APEH: variants seen among roughly 807,000 people sequenced by gnomAD.
APEH encodes the protein acylamino-acid-releasing enzyme.
A neutral mutation model predicts 102.7 loss-of-function variants in APEH; 75 were observed. That is an observed-to-expected ratio of 0.73 (90% CI 0.61 to 0.89). The LOEUF is 0.89. Ranked by LOEUF, APEH falls within the 40% of genes least tolerant of loss-of-function variation. APEH has a pLI of 0.00. For missense variants in APEH, 863 were observed against 941.2 expected (o/e 0.92, Z 1.09); for synonymous variants, 344 against 362.7 (o/e 0.95, Z 0.59).
rs1158948116 is a variant in APEH, at chr3:49,678,869, T to C, written c.1078T>C (p.Tyr360His). The change falls in exon 12 of 22, where the codon TAC (tyrosine) becomes CAC (histidine). Residue 360 changes from tyrosine (Y) to histidine (H), a missense_variant. By Grantham distance (83) the Tyr-to-His change is moderately conservative (BLOSUM62 2). Transcript: ENST00000296456. ...CTTTACAGAGAACTTCTCTGGGATC[T>C]ACTGCAGCCTTCTGCCTTTGGGATG... ...RQLGENFSGI[Y>H]CSLLPLGCWS... The C allele has an allele frequency of 1.9e-6, 3 of 1,613,642 alleles. No homozygotes were observed. In the Admixed American group the frequency reaches 5.0e-5, roughly 27 times the overall value.
At chr3:49,680,654 G>A in intron 14 of APEH, 25 bp downstream of exon 14, 2 of 1,600,320 alleles carry the variant, frequency 1.2e-6, no homozygotes, top group Non-Finnish European at 1.7e-6. Flanking sequence ...GTCCCAGGCT[G>A]TGGAGGCAGG....
chr3:49,674,842 C>T (rs2052949108), intron 2 of APEH, among the ~76,000 whole-genome samples: 1 of 152,104 alleles, frequency 6.6e-6, no homozygotes, highest in Non-Finnish European at 1.5e-5. Flanking sequence ...CACGAGATGA[C>T]GGCGTAGGGG....
intron 14 of APEH, 111 bp from the exon 15 acceptor site, chr3:49,680,990 A>C: frequency 5.9e-6 from 8 of 1,345,200 alleles, no homozygotes; most frequent in Non-Finnish European, 8.1e-6. Flanking sequence ...TACCTTCTGG[A>C]GGTGGGTAGA....
At position 49,683,754 on chromosome 3, in the gene APEH, T is replaced by G; in HGVS notation, c.*412T>G. 1.9e-6 allele frequency: 1 copy of G among 523,930 alleles called. No homozygotes were observed. The highest frequency in any genetic ancestry group is 3.4e-5 in the Admixed American group (1 of 29,110). 32.5% of individuals were successfully genotyped at this position (523,930 alleles called of 1,614,324 possible). A position where few individuals can be genotyped will look rare whatever the true frequency, so the allele number is the denominator to read the frequency against. On this transcript the variant is annotated 3_prime_UTR_variant, in exon 22 of 22. Transcript: ENST00000296456. ...GTACCACCCTTCCCAAGAGTATGTCTGGAGGACTAGTGTGAGGCCCTGTCT... is the reference window on the plus strand; with the variant it reads ...GTACCACCCTTCCCAAGAGTATGTCGGGAGGACTAGTGTGAGGCCCTGTCT...
At position 49,674,388 on chromosome 3, in the gene APEH, G is replaced by A. The variant is rs750594752; in HGVS notation, c.-14G>A. ...GAGCACGCCCCGCCTCGCCCCGGCG[G>A]CAGAGAGGAGACTATGGAACGTCAG... On this transcript the variant is annotated 5_prime_UTR_variant, in exon 1 of 22. Transcript: ENST00000296456. 3.8e-6 allele frequency: 6 copies of A among 1,571,586 alleles called. No individual in the cohort carries two copies. In the African/African-American group the frequency reaches 4.0e-5, roughly 11 times the overall value.
At chr3:49,680,415 A>G (rs1575476248) in intron 13 of APEH, 126 bp from the exon 14 acceptor site, 1 of 800,174 alleles carries the variant, frequency 1.2e-6, no homozygotes, top group Non-Finnish European at 2.1e-6. Flanking sequence ...GTGTTTGTGA[A>G]AGGCACTTCT....
At chr3:49,681,455 C>T (rs1259230238) in intron 15 of APEH, among the ~76,000 whole-genome samples, 1 of 152,256 alleles carries the variant, frequency 6.6e-6, no homozygotes, top group Non-Finnish European at 1.5e-5. Flanking sequence ...GCCAAATCAT[C>T]TGTGGTTGGA....
intron 13 of APEH, chr3:49,680,202 A>G: frequency 2.8e-6 from 1 of 354,206 alleles, no homozygotes; most frequent in South Asian, 2.5e-5. Flanking sequence ...CTTGGACACC[A>G]CTGCCCCAAA....
chr3:49,682,644 T>C lies in APEH; in HGVS notation c.1791T>C (p.Ile597=). Reference sequence around the variant, plus strand: ...GTGGCTTCATTTCCTGCCACTTGATTGGTCAGTACCCAGAGACCTACAGGG... The same window carrying C: ...GTGGCTTCATTTCCTGCCACTTGATCGGTCAGTACCCAGAGACCTACAGGG... ...SHGGFISCHL[I]GQYPETYRAC... Residue 597 remains isoleucine (I), a synonymous_variant, in exon 19 of 22, where the codon ATT becomes ATC. Coordinates refer to ENST00000296456, the MANE Select transcript of APEH (RefSeq NM_001640.4). The C allele has an allele frequency of 6.2e-7, 1 of 1,614,098 alleles. No individual in the cohort carries two copies. The highest frequency in any genetic ancestry group is 8.5e-7 in the Non-Finnish European group (1 of 1,180,034).
At position 49,676,041 on chromosome 3, in the gene APEH, C is replaced by T. The variant is rs2053031761; in HGVS notation, c.443-15C>T. On this transcript the variant is annotated splice_polypyrimidine_tract_variant and intron_variant, in intron 5 of 21. Coordinates refer to ENST00000296456, the MANE Select transcript of APEH (RefSeq NM_001640.4). ...TAGCCCTGGGCCCCCCCTGATTGGC[C>T]CTCCCTGCACCCAGACTGCTTTGGC... The T allele has an allele frequency of 1.2e-6, 2 of 1,614,036 alleles. No homozygotes were observed. Among genetic ancestry groups the T allele is most frequent in the Admixed American group, 1.7e-5 (1 of 59,998 alleles).
chr3:49,683,960 A>G lies in APEH; in HGVS notation c.*618A>G. 1 of 1,572,826 alleles carries G rather than the reference A, an allele frequency of 6.4e-7. No homozygotes were observed. The highest frequency in any genetic ancestry group is 8.6e-7 in the Non-Finnish European group (1 of 1,159,894). On this transcript the variant is annotated 3_prime_UTR_variant, in exon 22 of 22. Transcript: ENST00000296456. Reference sequence around the variant, plus strand: ...AAGAAGCATCTGTACAGGCATAAAGAGGAAACATGGCTTTATGTCTGACAA... The same window carrying G: ...AAGAAGCATCTGTACAGGCATAAAGGGGAAACATGGCTTTATGTCTGACAA...
rs764125631 is a variant in APEH at position 49,676,656 on chromosome 3, G to C, written c.792G>C (p.Trp264Cys). ...GDAGVVFVGW[W>C]HEPFRLGIRF... Reference sequence around the variant, plus strand: ...CTGGTGTGGTGTTTGTGGGCTGGTGGCATGAGCCCTTCCGGTTGGGCATCC... The same window carrying C: ...CTGGTGTGGTGTTTGTGGGCTGGTGCCATGAGCCCTTCCGGTTGGGCATCC... The change falls in exon 8 of 22, where the codon TGG becomes TGC. Residue 264 changes from tryptophan (W) to cysteine (C), a missense_variant. Transcript: ENST00000296456. 1.2e-6 allele frequency: 2 copies of C among 1,614,284 alleles called. No individual in the cohort carries two copies. Among genetic ancestry groups the C allele is most frequent in the Admixed American group, 1.7e-5 (1 of 60,038 alleles).
Position 49,674,426 on chromosome 3 carries a change from C to A in APEH, c.12+13C>A. The A allele has an allele frequency of 6.4e-7, 1 of 1,572,040 alleles. No individual in the cohort carries two copies. ...TATGGAACGTCAGGTGAGGGCTCGG[C>A]CCGCGGTCCCCGTGGTCCCTGCAGC... On this transcript the variant is annotated intron_variant, in intron 1 of 21. Coordinates refer to ENST00000296456, the MANE Select transcript of APEH (RefSeq NM_001640.4).
At chr3:49,680,008 A>C (rs1218402027) in intron 13 of APEH, 1 of 248,632 alleles carries the variant, frequency 4.0e-6, no homozygotes, top group African/African-American at 2.2e-5. Context: ...TCTCAGGCAG[A>C]GGCAGCTCTG....
chr3:49,677,446 C>A, intron 10 of APEH, 127 bp from the exon 11 acceptor site: 2 of 865,316 alleles, frequency 2.3e-6, no homozygotes, highest in Admixed American at 1.8e-5. Context: ...AAAAGAGATA[C>A]ATCAGGCTTA....
rs1230958596 is a variant in APEH, at chr3:49,676,159, G to T, written c.546G>T (p.Leu182Phe). The change falls in exon 6 of 22, where the codon TTG (leucine) becomes TTT (phenylalanine). Residue 182 changes from leucine (L) to phenylalanine (F), a missense_variant. Transcript: ENST00000296456. ...KAESFFQTKALDVSASDDEIA... is the reference protein window; with the variant it reads ...KAESFFQTKAFDVSASDDEIA... ...AGTCCTTCTTTCAGACCAAAGCCTTGGACGTCAGTGCCAGCGATGATGAGA... is the reference window on the plus strand; with the variant it reads ...AGTCCTTCTTTCAGACCAAAGCCTTTGACGTCAGTGCCAGCGATGATGAGA... The T allele has an allele frequency of 3.7e-6, 6 of 1,614,218 alleles. No individual in the cohort carries two copies. The highest frequency in any genetic ancestry group is 3.3e-4 in the Middle Eastern group (2 of 6,062).
At chr3:49,680,390 G>A in intron 13 of APEH, 151 bp from the exon 14 acceptor site, 1 of 655,242 alleles carries the variant, frequency 1.5e-6, no homozygotes. Context: ...CTCACCCGGG[G>A]CCATGTGCAG....
chr3:49,674,400 C>A lies in APEH; in HGVS notation c.-2C>A. 1 of 1,576,736 alleles carries A rather than the reference C, an allele frequency of 6.3e-7. No individual in the cohort carries two copies. The highest frequency in any genetic ancestry group is 8.6e-7 in the Non-Finnish European group (1 of 1,167,672). On this transcript the variant is annotated 5_prime_UTR_variant, in exon 1 of 22. Coordinates refer to ENST00000296456, the MANE Select transcript of APEH (RefSeq NM_001640.4). ...CCTCGCCCCGGCGGCAGAGAGGAGA[C>A]TATGGAACGTCAGGTGAGGGCTCGG...
Position 49,683,558 on chromosome 3 carries a change from CTG to C in APEH, c.*217_*218del, listed in dbSNP as rs974387211. 153 of 555,482 alleles carry C rather than the reference CTG, an allele frequency of 2.8e-4. 2 individuals carry two copies. Among genetic ancestry groups the C allele is most frequent in the Middle Eastern group, 1.5e-3 (3 of 2,042 alleles). The allele number at this position is 555,482 out of a possible 1,614,324, so 34.4% of individuals were successfully genotyped here. On this transcript the variant is annotated 3_prime_UTR_variant, in exon 22 of 22. Coordinates refer to ENST00000296456, the MANE Select transcript of APEH (RefSeq NM_001640.4). ...ACCATCCCCAACCCCACCTCCCACTCTGGGGTGCAGAGACCCTAGGTTCTGGG... is the reference window on the plus strand; with the variant it reads ...ACCATCCCCAACCCCACCTCCCACTCGGGTGCAGAGACCCTAGGTTCTGGG...
Sources: gnomAD v4.1 joint callset for allele counts (sites outside exome capture counted in the v4.1 genomes callset) on GRCh38, gnomAD v4.1.1 for gene constraint, MANE v1.5 for transcripts, NCBI Gene and HGNC (gene_info 2026-07-23, HGNC 2026-07-21) for gene names.